RSPH1: variants seen among roughly 807,000 people sequenced by gnomAD.
The protein encoded by RSPH1 is radial spoke head component 1.
In RSPH1, 32 loss-of-function variants were observed where a neutral mutation model predicts 44.2. The ratio of observed to expected loss-of-function variants is 0.72; its 90% CI spans 0.55 to 0.97. The LOEUF (loss-of-function observed/expected upper bound fraction) is 0.97. Ranked by LOEUF, RSPH1 falls within the 50% of genes least tolerant of loss-of-function variation. The probability of loss-of-function intolerance (pLI) is 0.00; values close to 1 mark genes in which losing one functional copy is unlikely to be tolerated. For missense variants in RSPH1, 391 were observed against 398.7 expected, an observed-to-expected ratio of 0.98 and a Z score of 0.16; for synonymous variants, 134 against 147.3, an observed-to-expected ratio of 0.91 and a Z score of 0.65.
chr21:42,473,034 G>T (rs1361597560), intron 8 of RSPH1, among the ~76,000 whole-genome samples, 164 bp from the exon 9 acceptor site: 1 of 152,138 alleles, frequency 6.6e-6, no homozygotes, highest in South Asian at 2.1e-4. Flanking sequence ...CACTTCAACA[G>T]TTTTTTCTTT....
Position 42,477,229 on chromosome 21 carries a change from C to T in RSPH1, c.727+62G>A, listed in dbSNP as rs370083560. 94 of 698,634 alleles carry T rather than the reference C, an allele frequency of 1.3e-4. 3 individuals are homozygous for T. Among genetic ancestry groups the T allele is most frequent in the Admixed American group, 3.0e-4 (7 of 23,524 alleles). The allele number at this position is 698,634 out of a possible 1,614,324, so 43.3% of individuals were successfully genotyped here. On this transcript the variant is annotated intron_variant, in intron 7 of 8. Transcript: ENST00000291536. ...GGGATGCCCCACACCCTCTGTCCCA[C>T]AGCCCGGGGGTGCCCCACACCCTCT...
At chr21:42,480,046 C>T (rs1276511014) in intron 6 of RSPH1, among the ~76,000 whole-genome samples, 1 of 152,192 alleles carries the variant, frequency 6.6e-6, no homozygotes, top group Non-Finnish European at 1.5e-5. Context: ...TGAGGCCACA[C>T]AGGATTCTGG....
intron 3 of RSPH1, among the ~76,000 whole-genome samples, chr21:42,488,316 A>C (rs562835069): frequency 3.0e-4 from 46 of 152,298 alleles, no homozygotes; most frequent in African/African-American, 1.0e-3. Context: ...TGGATTTGTA[A>C]CATTTGCCAG....
intron 3 of RSPH1, among the ~76,000 whole-genome samples, chr21:42,489,419 G>A (rs889521664): frequency 1.1e-4 from 17 of 152,252 alleles, no homozygotes; most frequent in Non-Finnish European, 1.3e-4. Flanking sequence ...CTGGTTGTGG[G>A]TCAGTTGGCT....
At position 42,492,819 on chromosome 21, in the gene RSPH1, A is replaced by T. The variant is rs188396128; in HGVS notation, c.213T>A (p.Tyr71Ter). ...FKNGARYIGE[Y>*]VRNKKHGQGT... ...CTTGACCGTGCTTTTTATTTCTAAC[A>T]TATTCTCCGATATATCGAGCACCAT... The change falls in exon 3 of 9, where the codon TAT becomes TAA. Residue 71 changes from tyrosine (Y) to a stop codon, truncating the protein, a stop_gained. Coordinates refer to ENST00000291536, the MANE Select transcript of RSPH1 (RefSeq NM_080860.4). LOFTEE classifies it high-confidence loss of function. 20 of 1,613,410 alleles carry T rather than the reference A, an allele frequency of 1.2e-5. No homozygotes were observed. The highest frequency in any genetic ancestry group is 1.6e-5 in the Non-Finnish European group (19 of 1,179,442).
At chr21:42,491,775 C>T (rs1008656191) in intron 3 of RSPH1, among the ~76,000 whole-genome samples, 1 of 152,158 alleles carries the variant, frequency 6.6e-6, no homozygotes. Flanking sequence ...GCAAAGCAAG[C>T]AACTATAGCT....
At chr21:42,483,462 GT>G (rs569622849) in intron 5 of RSPH1, among the ~76,000 whole-genome samples, 2 of 71,900 alleles carry the variant, frequency 2.8e-5, no homozygotes, top group Non-Finnish European at 4.1e-5. Flanking sequence ...ATTTTTACAT[GT>G]TTTTTTATAT....
At chr21:42,494,704 ATTT>A (rs113496002) in intron 1 of RSPH1, among the ~76,000 whole-genome samples, 2 of 145,624 alleles carry the variant, frequency 1.4e-5, no homozygotes. Flanking sequence ...TGAACAAGTG[ATTT>A]TTTTTTTTTT....
intron 7 of RSPH1, 105 bp from the exon 8 acceptor site, chr21:42,476,152 C>T: frequency 8.9e-7 from 1 of 1,119,168 alleles, no homozygotes; most frequent in Non-Finnish European, 1.3e-6. Context: ...CACCCTCCCC[C>T]TCCCACTGGC....
Position 42,482,679 on chromosome 21 carries a change from A to T in RSPH1, c.531T>A (p.Asp177Glu). The T allele has an allele frequency of 6.2e-7, 1 of 1,613,740 alleles. No individual in the cohort carries two copies. The highest frequency in any genetic ancestry group is 8.5e-7 in the Non-Finnish European group (1 of 1,179,778). Reference protein sequence around the residue: ...NPVGPGKYVFDVGCEQHGEYR... With the variant: ...NPVGPGKYVFEVGCEQHGEYR... ...ATTCACCATGTTGTTCACACCCAACATCAAATACATACTTTCCAGGGCCAA... is the reference window on the plus strand; with the variant it reads ...ATTCACCATGTTGTTCACACCCAACTTCAAATACATACTTTCCAGGGCCAA... Residue 177 changes from aspartate (D) to glutamate (E), a missense_variant, in exon 6 of 9, where the codon GAT (aspartate) becomes GAA (glutamate). By Grantham distance (45) the Asp-to-Glu change is conservative. Transcript: ENST00000291536.
chr21:42,477,296 G>GACCCCTCCA lies in RSPH1; in HGVS notation c.721_722insTGGAGGGGT (p.Ala241delinsValGluGlySer), dbSNP rs2054076232. ...AGCCCGGGGGTGCCCCACACTCTCA[G>GACCCCTCCA]CTCCTGGAGCGTCTTGGCCAGGTCC... On this transcript the variant is annotated protein_altering_variant, in exon 7 of 9. Coordinates refer to ENST00000291536, the MANE Select transcript of RSPH1 (RefSeq NM_080860.4). The GACCCCTCCA allele has an allele frequency of 6.2e-7, 1 of 1,613,418 alleles. No individual in the cohort carries two copies. Among genetic ancestry groups the GACCCCTCCA allele is most frequent in the Non-Finnish European group, 8.5e-7 (1 of 1,179,748 alleles).
intron 1 of RSPH1, among the ~76,000 whole-genome samples, chr21:42,494,821 T>A (rs926301769): frequency 6.6e-6 from 1 of 150,918 alleles, no homozygotes; most frequent in Non-Finnish European, 1.5e-5. Context: ...TGCCTCAGCC[T>A]CCCGAGTAGC....
At position 42,473,074 on chromosome 21, in the gene RSPH1, G is replaced by A. The variant is rs2839532; in HGVS notation, c.878-204C>T. 0.32 allele frequency among the ~76,000 whole-genome samples: 49,251 copies of A among 152,006 alleles called. 8,298 individuals are homozygous for A. Among genetic ancestry groups the A allele is most frequent in the East Asian group, 0.38 (1,976 of 5,170 alleles). On this transcript the variant is annotated intron_variant, in intron 8 of 8. Coordinates refer to ENST00000291536, the MANE Select transcript of RSPH1 (RefSeq NM_080860.4). The stretch of plus-strand genomic sequence containing the variant: ...ACCCGACATAAAATAAGCAAAATAC[G>A]TACTCAAAGTAAATGCTAAGACAAG...
At chr21:42,487,650 T>A (rs1231249857) in intron 3 of RSPH1, among the ~76,000 whole-genome samples, 1 of 152,258 alleles carries the variant, frequency 6.6e-6, no homozygotes, top group East Asian at 1.9e-4. Context: ...GAAAATTCAC[T>A]TTTATACCAA....
chr21:42,495,588 T>C (rs2054279724), intron 1 of RSPH1, among the ~76,000 whole-genome samples: 1 of 152,208 alleles, frequency 6.6e-6, no homozygotes, highest in Non-Finnish European at 1.5e-5. Flanking sequence ...CCTGGGTCAG[T>C]TCAGATGGGG....
intron 6 of RSPH1, 44 bp downstream of exon 6, chr21:42,482,593 C>T (rs2054139454): frequency 1.4e-6 from 2 of 1,417,992 alleles, no homozygotes; most frequent in Admixed American, 1.8e-5. Flanking sequence ...TGAGCAGCTA[C>T]TTCCCTGTTA....
rs1353827046 is a variant in RSPH1 at position 42,477,182 on chromosome 21, GACCCC to G, written c.727+104_727+108del. 1.5e-4 allele frequency: 67 copies of G among 446,920 alleles called. 1 individual carries two copies. Among genetic ancestry groups the G allele is most frequent in the East Asian group, 1.2e-3 (30 of 24,046 alleles). The allele number at this position is 446,920 out of a possible 1,614,324, so 27.7% of individuals were successfully genotyped here. On this transcript the variant is annotated intron_variant, in intron 7 of 8. Transcript: ENST00000291536. ...AGCCCGGGGATGCCCCACACCCTCT[GACCCC>G]TCCACCCCACAGCCCGGGGATGCCC...
chr21:42,474,726 C>T lies in RSPH1; in HGVS notation c.877+1172G>A, dbSNP rs963187123. Among the ~76,000 whole-genome samples the T allele has an allele frequency of 2.0e-5, 3 of 152,258 alleles. No individual in the cohort carries two copies. Among genetic ancestry groups the T allele is most frequent in the East Asian group, 1.9e-4 (1 of 5,202 alleles). On this transcript the variant is annotated intron_variant, in intron 8 of 8. Coordinates refer to ENST00000291536, the MANE Select transcript of RSPH1 (RefSeq NM_080860.4). The surrounding 1 kb of genome is among the most constrained non-coding windows in gnomAD (Gnocchi z 5.2). ...AAAGCCAGGTTTCCACCTGACCCCA[C>T]GTCCCACCTCAGCACTGCGTCACTG...
chr21:42,493,195 C>T, intron 1 of RSPH1, 116 bp from the exon 2 acceptor site: 1 of 853,774 alleles, frequency 1.2e-6, no homozygotes, highest in Non-Finnish European at 1.9e-6. Flanking sequence ...ACCCCCGGCA[C>T]TATACTCAAT....
Sources: allele counts gnomAD v4.1 joint callset (sites outside exome capture counted in the v4.1 genomes callset), GRCh38; gene constraint gnomAD v4.1.1; non-coding constraint Gnocchi (gnomAD v3.1); transcripts MANE v1.5; gene names NCBI Gene and HGNC (gene_info 2026-07-23, HGNC 2026-07-21).